KALRN: variants seen among roughly 807,000 people sequenced by gnomAD.
KALRN encodes the protein kalirin RhoGEF kinase.
Under a neutral mutation model 353.7 loss-of-function variants are expected in KALRN, and 70 were observed. The observed-to-expected ratio is 0.20, with a 90% CI of 0.16 to 0.24. KALRN has a LOEUF of 0.24. KALRN is among the 10% of genes least tolerant of loss of function. The pLI, the probability that KALRN is intolerant of heterozygous loss-of-function variation, is 1.00. For missense variants in KALRN, 2,791 were observed against 3,756.7 expected (o/e 0.74, Z 6.72); for synonymous variants, 1,391 against 1,434.8 (o/e 0.97, Z 0.69).
chr3:124,108,752 T>A (rs2062559662), intron 1 of KALRN, among the ~76,000 whole-genome samples: 1 of 152,230 alleles, frequency 6.6e-6, no homozygotes, highest in Non-Finnish European at 1.5e-5. Flanking sequence ...AATATTAATC[T>A]TATTTTCTGT....
In KALRN at chr3:124,291,303, G is replaced by A. The variant is rs114977428; in HGVS notation, c.970-7488G>A. On this transcript the variant is annotated intron_variant, in intron 5 of 59. Coordinates refer to ENST00000682506, the MANE Select transcript of KALRN (RefSeq NM_001388419.1). The stretch of plus-strand genomic sequence containing the variant: ...AAATCACCACCTCAGGGATGTCCAA[G>A]CTATGGTGTACCCATCAGGTATTTG... Among the ~76,000 whole-genome samples, 405 of 152,340 alleles carry A rather than the reference G, an allele frequency of 2.7e-3. 4 individuals carry two copies. Among genetic ancestry groups the A allele is most frequent in the South Asian group, 0.016 (79 of 4,830 alleles).
At chr3:124,388,372 A>G (rs986974586) in intron 11 of KALRN, among the ~76,000 whole-genome samples, 2 of 152,040 alleles carry the variant, frequency 1.3e-5, no homozygotes, top group East Asian at 1.9e-4. Flanking sequence ...GGTGCTTCCA[A>G]CTTTCACCCA....
chr3:124,527,145 A>G (rs975042181), intron 33 of KALRN, among the ~76,000 whole-genome samples: 1 of 152,218 alleles, frequency 6.6e-6, no homozygotes, highest in African/African-American at 2.4e-5. Flanking sequence ...AGAAACTAAG[A>G]TCCAATGACT....
chr3:124,043,411 A>G (rs139522978), intron 1 of KALRN, among the ~76,000 whole-genome samples: 126 of 152,224 alleles, frequency 8.3e-4, no homozygotes, highest in African/African-American at 2.8e-3. Flanking sequence ...GAGACTTAAT[A>G]TTTAGAAAAG....
intron 34 of KALRN, among the ~76,000 whole-genome samples, chr3:124,595,941 A>G (rs749696713): frequency 7.9e-5 from 12 of 152,222 alleles, no homozygotes; most frequent in Non-Finnish European, 1.6e-4. Flanking sequence ...AAGGCAATAT[A>G]TCATGATGAT....
At chr3:124,487,803 C>G (rs934386561) in intron 28 of KALRN, among the ~76,000 whole-genome samples, 21 of 152,304 alleles carry the variant, frequency 1.4e-4, no homozygotes, top group Middle Eastern at 3.4e-3. Flanking sequence ...ATAGCACACT[C>G]TTTATCTTCC....
intron 2 of KALRN, among the ~76,000 whole-genome samples, chr3:124,231,171 C>T (rs888625826): frequency 3.1e-4 from 47 of 152,296 alleles, no homozygotes; most frequent in African/African-American, 1.0e-3. Flanking sequence ...TGCATGTGGG[C>T]GTGTGCATGT....
At chr3:124,179,970 T>G (rs2073347958) in intron 1 of KALRN, among the ~76,000 whole-genome samples, 6 of 152,232 alleles carry the variant, frequency 3.9e-5, no homozygotes. Flanking sequence ...TGAGCAAACA[T>G]TTTAAAGGAA....
chr3:124,084,934 G>T (rs1025887200), intron 1 of KALRN, among the ~76,000 whole-genome samples: 1 of 152,170 alleles, frequency 6.6e-6, no homozygotes, highest in Admixed American at 6.5e-5. Context: ...AGCTCCACCT[G>T]TGAGGGCCCC....
intron 57 of KALRN, among the ~76,000 whole-genome samples, chr3:124,707,570 T>C (rs1046810524): frequency 6.6e-6 from 1 of 152,110 alleles, no homozygotes; most frequent in African/African-American, 2.4e-5. Flanking sequence ...CTATGTAGCA[T>C]GCACAAACAG....
At chr3:124,244,702 G>A (rs1293626597) in intron 3 of KALRN, among the ~76,000 whole-genome samples, 3 of 152,134 alleles carry the variant, frequency 2.0e-5, no homozygotes, top group Non-Finnish European at 4.4e-5. Context: ...ATATCACTGG[G>A]CATCTAAGTC....
At chr3:124,190,032 A>G (rs2074719519) in intron 1 of KALRN, among the ~76,000 whole-genome samples, 2 of 152,182 alleles carry the variant, frequency 1.3e-5, no homozygotes, top group African/African-American at 4.8e-5. Flanking sequence ...CCAAGCGACA[A>G]TTATTTCTCC....
Position 124,639,301 on chromosome 3 carries a change from G to A in KALRN, c.5664+1998G>A, listed in dbSNP as rs77396120. The stretch of plus-strand genomic sequence containing the variant: ...GCCAAATTTCCATTATAATCCCATG[G>A]TAATTACTAAAGCCACATACTGCCT... On this transcript the variant is annotated intron_variant, in intron 37 of 59. Coordinates refer to ENST00000682506, the MANE Select transcript of KALRN (RefSeq NM_001388419.1). 3.5e-3 allele frequency among the ~76,000 whole-genome samples: 528 copies of A among 152,132 alleles called. 6 individuals carry two copies. The highest frequency in any genetic ancestry group is 0.012 in the African/African-American group (479 of 41,466).
chr3:124,684,893 C>A (rs1008458337), intron 51 of KALRN, among the ~76,000 whole-genome samples: 1 of 152,090 alleles, frequency 6.6e-6, no homozygotes, highest in Non-Finnish European at 1.5e-5. Context: ...TTCCCTGGCC[C>A]GCCTTTCATG....
chr3:124,522,067 A>G (rs1311560665), intron 33 of KALRN, among the ~76,000 whole-genome samples: 2 of 152,070 alleles, frequency 1.3e-5, no homozygotes, highest in Admixed American at 6.5e-5. Flanking sequence ...GGAGTGCCAA[A>G]GGTAGAGATG....
At chr3:124,571,906 G>C (rs145115089) in intron 34 of KALRN, among the ~76,000 whole-genome samples, 25,428 of 151,650 alleles carry the variant, frequency 0.17, 2,270 homozygotes, top group Middle Eastern at 0.2. Context: ...GGGATTACAG[G>C]TGTGAGCCAC....
intron 1 of KALRN, among the ~76,000 whole-genome samples, chr3:124,208,438 G>T (rs904257052): frequency 6.6e-6 from 1 of 152,142 alleles, no homozygotes; most frequent in East Asian, 1.9e-4. Flanking sequence ...TAAAGAGCTT[G>T]TATATACTTT....
chr3:124,097,191 CTAACATTGCA>C (rs2061511931), intron 1 of KALRN, among the ~76,000 whole-genome samples: 1 of 152,174 alleles, frequency 6.6e-6, no homozygotes, highest in South Asian at 2.1e-4. Flanking sequence ...CGAATGTTAC[CTAACATTGCA>C]TAGAAAATGG....
rs892866863 is a variant in KALRN at position 124,651,048 on chromosome 3, T to C, written c.5795+110T>C. On this transcript the variant is annotated intron_variant, in intron 38 of 59. Coordinates refer to ENST00000682506, the MANE Select transcript of KALRN (RefSeq NM_001388419.1). Reference sequence around the variant, plus strand: ...GTTCCCCACGCTGTTTCCACTGACATCTTTCATTCTAAGACTCAGATCTGT... The same window carrying C: ...GTTCCCCACGCTGTTTCCACTGACACCTTTCATTCTAAGACTCAGATCTGT... 3 of 1,315,938 alleles carry C rather than the reference T, an allele frequency of 2.3e-6. No individual in the cohort carries two copies. In the Admixed American group the frequency reaches 6.1e-5, roughly 27 times the overall value. 81.5% of individuals were successfully genotyped at this position (1,315,938 alleles called of 1,614,324 possible).
Sources: gnomAD v4.1 joint callset for allele counts (sites outside exome capture counted in the v4.1 genomes callset) on GRCh38, gnomAD v4.1.1 for gene constraint, MANE v1.5 for transcripts, NCBI Gene and HGNC (gene_info 2026-07-23, HGNC 2026-07-21) for gene names.